Variants in PCDHGA9 observed in about 807,000 individuals in gnomAD.
PCDHGA9 encodes protocadherin gamma subfamily A, 9, also known as protocadherin gamma-A9.
Under a neutral mutation model 62.5 loss-of-function variants are expected in PCDHGA9, and 37 were observed. That is an observed-to-expected ratio of 0.59 (90% confidence interval 0.46 to 0.78). PCDHGA9 has a LOEUF of 0.78. Ranked by LOEUF, PCDHGA9 falls within the 30% of genes least tolerant of loss-of-function variation. The pLI, the probability that PCDHGA9 is intolerant of heterozygous loss-of-function variation, is 0.00. For missense variants in PCDHGA9, 1,138 were observed against 1,166.2 expected (o/e 0.98, Z 0.35); for synonymous variants, 459 against 484.6 (o/e 0.95, Z 0.69).
chr5:141,482,505 C>T (rs1183998287), intron 1 of PCDHGA9, among the ~76,000 whole-genome samples: 1 of 122,986 alleles, frequency 8.1e-6, no homozygotes, highest in African/African-American at 3.4e-5. Context: ...TTCTGGTACC[C>T]AGAGTACAGT....
intron 3 of PCDHGA9, among the ~76,000 whole-genome samples, chr5:141,509,574 G>T (rs554778751): frequency 6.6e-6 from 1 of 152,300 alleles, no homozygotes; most frequent in South Asian, 2.1e-4. Context: ...TTCACAGTGC[G>T]TACAAATCAG....
At chr5:141,413,357 G>A (rs2095629700) in intron 1 of PCDHGA9, 2 of 1,613,874 alleles carry the variant, frequency 1.2e-6, no homozygotes, top group South Asian at 1.1e-5. Flanking sequence ...CTGGCGCCCC[G>A]GGAGCTGGCG....
At chr5:141,407,549 T>C (rs1159197129) in intron 1 of PCDHGA9, among the ~76,000 whole-genome samples, 4 of 151,912 alleles carry the variant, frequency 2.6e-5, no homozygotes, top group African/African-American at 9.7e-5. Flanking sequence ...TAACAGATTG[T>C]AGAACATAAG....
chr5:141,405,858 T>C (rs2094727577), intron 1 of PCDHGA9, among the ~76,000 whole-genome samples: 1 of 152,200 alleles, frequency 6.6e-6, no homozygotes, highest in Non-Finnish European at 1.5e-5. Flanking sequence ...GTGTTTCTCA[T>C]CACTTTTCAC....
rs370127569 is a variant in PCDHGA9 at position 141,422,859 on chromosome 5, C to T, written c.2424+17483C>T. 1.4e-5 allele frequency: 22 copies of T among 1,614,148 alleles called. No homozygotes were observed. In the African/African-American group the frequency reaches 2.5e-4, roughly 19 times the overall value. ...GTGACAGCGGGGACCCGCCCCTCAG[C>T]AGCAACGTGTCGCTGAGCCTGTTCG... On this transcript the variant is annotated intron_variant, in intron 1 of 3. Transcript: ENST00000573521.
rs2233610 is a variant in PCDHGA9, at chr5:141,505,535, G to A, written c.2572+54G>A. ...AGTGGGAGACCTGGGGTTCTGGGGT[G>A]CATCTCACAGCCACCATGCCCACGG... is the stretch of plus-strand genomic sequence containing the variant. On this transcript the variant is annotated intron_variant, in intron 3 of 3. Transcript: ENST00000573521. 12 of 1,610,344 alleles carry A rather than the reference G, an allele frequency of 7.5e-6. No individual in the cohort carries two copies. The East Asian group carries it at 1.8e-4, about 24-fold the overall frequency.
Position 141,490,351 on chromosome 5 carries a change from T to C in PCDHGA9, c.2425-4456T>C. Reference sequence around the variant, plus strand: ...CACACCAGTGGGCACAGTAGTGGGGTTGTTTAATGTGCGAGACCGGGACTC... The same window carrying C: ...CACACCAGTGGGCACAGTAGTGGGGCTGTTTAATGTGCGAGACCGGGACTC... On this transcript the variant is annotated intron_variant, in intron 1 of 3. Transcript: ENST00000573521. The surrounding 1 kb of genome is among the most constrained non-coding windows in gnomAD (Gnocchi z 5.4). 6.2e-7 allele frequency: 1 copy of C among 1,614,028 alleles called. No individual in the cohort carries two copies. The highest frequency in any genetic ancestry group is 1.3e-5 in the African/African-American group (1 of 74,976).
chr5:141,491,152 G>A lies in PCDHGA9; in HGVS notation c.2425-3655G>A. 1 of 1,614,168 alleles carries A rather than the reference G, an allele frequency of 6.2e-7. No homozygotes were observed. The highest frequency in any genetic ancestry group is 8.5e-7 in the Non-Finnish European group (1 of 1,179,990). On this transcript the variant is annotated intron_variant, in intron 1 of 3. Transcript: ENST00000573521. The surrounding 1 kb of genome is among the most constrained non-coding windows in gnomAD (Gnocchi z 6.9). ...CACAGCCCGGGCCTTACTGGAGGAT[G>A]ACTCTGACACCCAGCAGGTGGTGGT...
chr5:141,502,383 G>A (rs941410477), intron 2 of PCDHGA9, among the ~76,000 whole-genome samples: 2 of 151,846 alleles, frequency 1.3e-5, no homozygotes, highest in African/African-American at 4.8e-5. Context: ...CAGGCCAGTT[G>A]TACTTTAAAA....
At chr5:141,503,099 C>T (rs1286557930) in intron 2 of PCDHGA9, among the ~76,000 whole-genome samples, 1 of 151,884 alleles carries the variant, frequency 6.6e-6, no homozygotes, top group Non-Finnish European at 1.5e-5. Context: ...GTGGTCTGCC[C>T]GCCCCTGCCT....
At chr5:141,478,559 A>T (rs938780510) in intron 1 of PCDHGA9, 1 of 1,599,454 alleles carries the variant, frequency 6.3e-7, no homozygotes, top group Non-Finnish European at 8.5e-7. Context: ...AAGGTTTAGC[A>T]AGTCATGCTT....
chr5:141,403,415 C>A lies in PCDHGA9; in HGVS notation c.463C>A (p.Pro155Thr). ...IAVPGARYPLPEAIDPDVGVN... is the reference protein window; with the variant it reads ...IAVPGARYPLTEAIDPDVGVN... The stretch of plus-strand genomic sequence containing the variant: ...GGTTCCTGGAGCACGTTATCCACTT[C>A]CAGAAGCTATTGATCCGGATGTTGG... The change falls in exon 1 of 4, where the codon CCA becomes ACA. Residue 155 changes from proline to threonine, a missense_variant. Transcript: ENST00000573521. 1 of 1,614,046 alleles carries A rather than the reference C, an allele frequency of 6.2e-7. No individual in the cohort carries two copies. The highest frequency in any genetic ancestry group is 2.2e-5 in the East Asian group (1 of 44,884).
intron 1 of PCDHGA9, among the ~76,000 whole-genome samples, chr5:141,439,689 A>G (rs1193986599): frequency 6.6e-6 from 1 of 152,218 alleles, no homozygotes; most frequent in Non-Finnish European, 1.5e-5. Flanking sequence ...CAGACCCACA[A>G]CATTCCTATT....
At chr5:141,415,754 T>TTG in intron 1 of PCDHGA9, 4 of 1,385,736 alleles carry the variant, frequency 2.9e-6, no homozygotes, top group South Asian at 1.7e-5. Flanking sequence ...TTTTTTTTTT[T>TTG]TTTTTTTTTT....
chr5:141,432,191 G>C lies in PCDHGA9; in HGVS notation c.2424+26815G>C. 2.5e-6 allele frequency: 4 copies of C among 1,614,110 alleles called. No individual in the cohort carries two copies. Among genetic ancestry groups the C allele is most frequent in the Non-Finnish European group, 3.4e-6 (4 of 1,180,026 alleles). On this transcript the variant is annotated intron_variant, in intron 1 of 3. Coordinates refer to ENST00000573521, the MANE Select transcript of PCDHGA9 (RefSeq NM_018921.3). The surrounding 1 kb of genome is among the most constrained non-coding windows in gnomAD (Gnocchi z 6.0). ...TTCCCTCGTCTCTGTGACCGCCCAC[G>C]ACCCCGACTGTGAAGAGAACGCCCA... is the stretch of plus-strand genomic sequence containing the variant.
chr5:141,444,282 C>T (rs1341316344), intron 1 of PCDHGA9, among the ~76,000 whole-genome samples: 1 of 148,268 alleles, frequency 6.7e-6, no homozygotes, highest in African/African-American at 2.5e-5. Flanking sequence ...AGTGATTCTC[C>T]TGCCTCAGCC....
chr5:141,459,573 T>TTC (rs2098970689), intron 1 of PCDHGA9, among the ~76,000 whole-genome samples: 1 of 152,208 alleles, frequency 6.6e-6, no homozygotes, highest in Non-Finnish European at 1.5e-5. Context: ...CAAAACAGAA[T>TTC]TGTTTTGGGG....
At position 141,491,613 on chromosome 5, in the gene PCDHGA9, A is replaced by AC; in HGVS notation, c.2425-3190dup. On this transcript the variant is annotated intron_variant, in intron 1 of 3. Coordinates refer to ENST00000573521, the MANE Select transcript of PCDHGA9 (RefSeq NM_018921.3). The surrounding 1 kb of genome is among the most constrained non-coding windows in gnomAD (Gnocchi z 6.9). Reference sequence around the variant, plus strand: ...ACGGCAGTGACTTCACTTTTCTAAGACCCCTCAGCGTTCAGCAGCCCACAG... The same window carrying AC: ...ACGGCAGTGACTTCACTTTTCTAAGACCCCCTCAGCGTTCAGCAGCCCACAG... 6.2e-7 allele frequency: 1 copy of AC among 1,613,568 alleles called. No homozygotes were observed. Among genetic ancestry groups the AC allele is most frequent in the Non-Finnish European group, 8.5e-7 (1 of 1,179,968 alleles).
intron 3 of PCDHGA9, among the ~76,000 whole-genome samples, chr5:141,510,660 G>A (rs2099882170): frequency 1.3e-5 from 2 of 152,174 alleles, no homozygotes; most frequent in East Asian, 1.9e-4. Context: ...TTTTGCAGAT[G>A]AGAAAACTGA....
Sources: gnomAD v4.1 joint callset for allele counts (sites outside exome capture counted in the v4.1 genomes callset) on GRCh38, gnomAD v4.1.1 for gene constraint, Gnocchi (gnomAD v3.1) non-coding constraint, MANE v1.5 for transcripts, NCBI Gene and HGNC (gene_info 2026-07-23, HGNC 2026-07-21) for gene names.